Variants in RASEF observed in about 807,000 individuals in gnomAD.
RASEF encodes RAS and EF-hand domain containing, also known as ras and EF-hand domain-containing protein.
RASEF carries 68 observed loss-of-function variants against 90.1 expected under a neutral mutation model. That is an observed-to-expected ratio of 0.75 (90% confidence interval 0.62 to 0.92). The LOEUF (loss-of-function observed/expected upper bound fraction) is 0.92, where lower values mean the gene tolerates loss of function less well. Ranked by LOEUF, RASEF falls within the 40% of genes least tolerant of loss-of-function variation. RASEF has a pLI of 0.00. For missense variants in RASEF, 949 were observed against 937.2 expected (o/e 1.01, Z -0.16); for synonymous variants, 331 against 345.2 (o/e 0.96, Z 0.46).
In RASEF at chr9:82,980,417, T is replaced by G. The variant is rs971798308; in HGVS notation, c.*2260A>C. 3 of 152,182 alleles carry G rather than the reference T, an allele frequency of 2.0e-5. No individual in the cohort carries two copies. The highest frequency in any genetic ancestry group is 2.9e-5 in the Non-Finnish European group (2 of 68,026). 9.4% of individuals were successfully genotyped at this position (152,182 alleles called of 1,614,324 possible). On this transcript the variant is annotated 3_prime_UTR_variant, in exon 17 of 17. Transcript: ENST00000376447. Reference sequence around the variant, plus strand: ...AATTTGGATTATGTTACCAAAATATTTATCAGGGCTCAAATACTTAAAGAT... The same window carrying G: ...AATTTGGATTATGTTACCAAAATATGTATCAGGGCTCAAATACTTAAAGAT...
the RASEF span, among the ~76,000 whole-genome samples, chr9:83,195,209 C>T: frequency 5.9e-5 from 9 of 152,194 alleles, no homozygotes; most frequent in Non-Finnish European, 7.3e-5. Flanking sequence ...GTGTAATTTT[C>T]GTGCCCTCTC....
chr9:83,207,554 G>A, the RASEF span, among the ~76,000 whole-genome samples: 3 of 151,580 alleles, frequency 2.0e-5, no homozygotes, highest in African/African-American at 7.3e-5. Flanking sequence ...TAACTTTCAG[G>A]ATGTACTAGA....
chr9:83,061,036 A>T (rs1009456826), intron 1 of RASEF, among the ~76,000 whole-genome samples: 1 of 152,186 alleles, frequency 6.6e-6, no homozygotes, highest in Non-Finnish European at 1.5e-5. Context: ...ATCATATCCA[A>T]TATGATGTGG....
chr9:83,175,430 A>G, the RASEF span, among the ~76,000 whole-genome samples: 1 of 152,108 alleles, frequency 6.6e-6, no homozygotes, highest in East Asian at 1.9e-4. Flanking sequence ...TCTGATGTTA[A>G]CCAACCTTGC....
chr9:82,997,265 C>T, intron 13 of RASEF, 139 bp from the exon 14 acceptor site: 1 of 621,622 alleles, frequency 1.6e-6, no homozygotes, highest in Non-Finnish European at 2.9e-6. Context: ...GAGACATAGG[C>T]ATTTCAAAGG....
chr9:82,993,159 T>C, intron 14 of RASEF, 134 bp from the exon 15 acceptor site: 1 of 824,930 alleles, frequency 1.2e-6, no homozygotes, highest in South Asian at 1.9e-5. Context: ...AGGATATCTT[T>C]AAACCTCAAA....
chr9:83,167,323 G>A, the RASEF span, among the ~76,000 whole-genome samples: 1 of 149,084 alleles, frequency 6.7e-6, no homozygotes, highest in African/African-American at 2.5e-5. Flanking sequence ...TCTACCACAA[G>A]TTAGCCAATG....
chr9:83,123,619 TC>T, the RASEF span, among the ~76,000 whole-genome samples: 1 of 152,088 alleles, frequency 6.6e-6, no homozygotes, highest in Non-Finnish European at 1.5e-5. Context: ...GCTTCCCTCC[TC>T]CTTCCCACTG....
At chr9:83,078,824 T>C in the RASEF span, among the ~76,000 whole-genome samples, 2 of 152,242 alleles carry the variant, frequency 1.3e-5, no homozygotes, top group Non-Finnish European at 2.9e-5. Flanking sequence ...TCTTTTAATA[T>C]GCTTGTTGGC....
chr9:83,195,956 G>A, the RASEF span, among the ~76,000 whole-genome samples: 1 of 152,118 alleles, frequency 6.6e-6, no homozygotes, highest in Non-Finnish European at 1.5e-5. Flanking sequence ...AAGCCCAGCT[G>A]GGCGGCTCCT....
chr9:83,135,452 C>A, the RASEF span, among the ~76,000 whole-genome samples: 3 of 152,026 alleles, frequency 2.0e-5, no homozygotes, highest in East Asian at 5.8e-4. Flanking sequence ...ATGTAACAAA[C>A]CTGCACGTTG....
chr9:83,175,243 T>A, the RASEF span, among the ~76,000 whole-genome samples: 4 of 152,174 alleles, frequency 2.6e-5, no homozygotes, highest in Non-Finnish European at 4.4e-5. Flanking sequence ...AATTATGAAC[T>A]TTTCATAGAC....
the RASEF span, among the ~76,000 whole-genome samples, chr9:83,159,589 T>C: frequency 3.9e-5 from 6 of 152,242 alleles, no homozygotes; most frequent in Admixed American, 6.5e-5. Flanking sequence ...CAACTTATTG[T>C]AAGACATTTT....
In RASEF at chr9:83,062,388, C is replaced by A. The variant is rs187858773; in HGVS notation, c.431+49G>T. The stretch of plus-strand genomic sequence containing the variant: ...ACACCTGCAAGTAAGTGGGAAGAAG[C>A]AAGCAGGAAGCGCCAGAATAACCTC... On this transcript the variant is annotated intron_variant, in intron 1 of 16. Coordinates refer to ENST00000376447, the MANE Select transcript of RASEF (RefSeq NM_152573.4). 1,925 of 1,586,948 alleles carry A rather than the reference C, an allele frequency of 1.2e-3. 16 individuals are homozygous for A. The African/African-American group carries it at 0.024, about 19-fold the overall frequency.
At chr9:83,184,323 G>C in the RASEF span, among the ~76,000 whole-genome samples, 3 of 152,156 alleles carry the variant, frequency 2.0e-5, no homozygotes, top group Non-Finnish European at 4.4e-5. Context: ...GCCTTGGGAA[G>C]TATAGAATGT....
At chr9:82,988,569 C>T (rs1322164656) in intron 16 of RASEF, among the ~76,000 whole-genome samples, 3 of 152,026 alleles carry the variant, frequency 2.0e-5, no homozygotes, top group Non-Finnish European at 4.4e-5. Context: ...TTGAATCAAG[C>T]GGGTGGCTCT....
the RASEF span, among the ~76,000 whole-genome samples, chr9:83,163,409 G>T: frequency 1.3e-5 from 2 of 152,284 alleles, no homozygotes; most frequent in East Asian, 3.9e-4. Flanking sequence ...AAATGGCAGG[G>T]ATGTAGGAAT....
the RASEF span, among the ~76,000 whole-genome samples, chr9:83,117,330 G>C: frequency 6.6e-6 from 1 of 152,178 alleles, no homozygotes; most frequent in South Asian, 2.1e-4. Flanking sequence ...TTTATGCATA[G>C]AGCCTATACG....
At chr9:83,169,610 T>C in the RASEF span, among the ~76,000 whole-genome samples, 4 of 151,708 alleles carry the variant, frequency 2.6e-5, no homozygotes, top group African/African-American at 9.7e-5. Flanking sequence ...TTTTTTGTTT[T>C]GTTTTTGGCT....
Sources: gnomAD v4.1 joint callset for allele counts (sites outside exome capture counted in the v4.1 genomes callset) on GRCh38, gnomAD v4.1.1 for gene constraint, MANE v1.5 for transcripts, NCBI Gene and HGNC (gene_info 2026-07-23, HGNC 2026-07-21) for gene names.